The following BOLL variants were observed in gnomAD, a reference collection of about 807,000 sequenced individuals.
The protein encoded by BOLL is protein boule-like.
BOLL carries 23 observed loss-of-function variants against 44.4 expected under a neutral mutation model. The ratio of observed to expected loss-of-function variants is 0.52; its 90% CI spans 0.37 to 0.73. BOLL has a LOEUF of 0.73. Ranked by LOEUF, BOLL falls within the 30% of genes least tolerant of loss-of-function variation. The pLI is 0.00. For synonymous variants in BOLL, 97 were observed against 110.8 expected (o/e 0.88, Z 0.78); for missense variants, 287 against 338.3 (o/e 0.85, Z 1.19).
chr2:197,783,279 A>AC (rs997468906), intron 1 of BOLL, among the ~76,000 whole-genome samples: 18 of 152,234 alleles, frequency 1.2e-4, no homozygotes, highest in Admixed American at 5.9e-4. Context: ...ACAAAGAAAG[A>AC]CCCCATCTCA....
rs563916260 is a variant in BOLL, at chr2:197,728,620, GA to G, written c.829-43del. 316 of 1,339,332 alleles carry G rather than the reference GA, an allele frequency of 2.4e-4. 2 individuals carry two copies. Among genetic ancestry groups the G allele is most frequent in the South Asian group, 2.0e-3 (159 of 79,566 alleles). 83.0% of individuals were successfully genotyped at this position (1,339,332 alleles called of 1,614,324 possible). A position where few individuals can be genotyped will look rare whatever the true frequency, so the allele number is the denominator to read the frequency against. On this transcript the variant is annotated intron_variant, in intron 10 of 10. Transcript: ENST00000392296. ...AAATATAGATCAGGAAGACTGAATG[GA>G]AAAAAAAAGATAAGTTAGAACAGAT...
At chr2:197,733,596 A>G (rs1379844193) in intron 10 of BOLL, among the ~76,000 whole-genome samples, 1 of 152,196 alleles carries the variant, frequency 6.6e-6, no homozygotes, top group African/African-American at 2.4e-5. Context: ...ACAGCATGGT[A>G]CTGGTACCAA....
chr2:197,750,201 A>G (rs933455207), intron 9 of BOLL, among the ~76,000 whole-genome samples: 1 of 152,168 alleles, frequency 6.6e-6, no homozygotes, highest in African/African-American at 2.4e-5. Flanking sequence ...ACATACCAAA[A>G]TGTAAAGACC....
At chr2:197,735,192 A>G (rs1292087736) in intron 10 of BOLL, among the ~76,000 whole-genome samples, 1 of 152,024 alleles carries the variant, frequency 6.6e-6, no homozygotes, top group Non-Finnish European at 1.5e-5. Flanking sequence ...AATTTTTTCT[A>G]TTATTCCTGC....
intron 10 of BOLL, among the ~76,000 whole-genome samples, chr2:197,735,228 C>A (rs993944450): frequency 2.0e-5 from 3 of 151,992 alleles, no homozygotes; most frequent in Non-Finnish European, 4.4e-5. Context: ...CAATAATTGG[C>A]CTTAGTGTGA....
chr2:197,741,219 A>G (rs1278471151), intron 10 of BOLL, among the ~76,000 whole-genome samples: 2 of 152,094 alleles, frequency 1.3e-5, no homozygotes, highest in East Asian at 1.9e-4. Context: ...TTGGATTCCT[A>G]GGTATTTTAT....
chr2:197,741,819 A>G (rs1457058884), intron 10 of BOLL, among the ~76,000 whole-genome samples: 1 of 152,174 alleles, frequency 6.6e-6, no homozygotes, highest in Non-Finnish European at 1.5e-5. Context: ...AATGGGATCT[A>G]ATTAAACTAA....
rs370151980 is a variant in BOLL, at chr2:197,779,114, A to G, written c.130-48T>C. 1.2e-5 allele frequency: 16 copies of G among 1,371,128 alleles called. No homozygotes were observed. In the African/African-American group the frequency reaches 2.2e-4, roughly 19 times the overall value. The allele number at this position is 1,371,128 out of a possible 1,614,324, so 84.9% of individuals were successfully genotyped here. ...TTAAAAAGCATTTTTAGTTGATAAA[A>G]GATGAATAATTCTCATGCTTGCTCT... On this transcript the variant is annotated intron_variant, in intron 2 of 10. Transcript: ENST00000392296.
rs1686875678 is a variant in BOLL at position 197,726,971 on chromosome 2, AC to A, written c.*1583del. 6.6e-6 allele frequency: 1 copy of A among 152,612 alleles called. No homozygotes were observed. Among genetic ancestry groups the A allele is most frequent in the Non-Finnish European group, 1.5e-5 (1 of 68,034 alleles). 9.5% of individuals were successfully genotyped at this position (152,612 alleles called of 1,614,324 possible). A position where few individuals can be genotyped will look rare whatever the true frequency, so the allele number is the denominator to read the frequency against. On this transcript the variant is annotated 3_prime_UTR_variant, in exon 11 of 11. Transcript: ENST00000392296. ...TTAACATTTGAAAATCAAAACATAA[AC>A]TTTTTGGTTCTCAAGGATAGTGCTA...
chr2:197,731,832 T>A (rs1687198158), intron 10 of BOLL, among the ~76,000 whole-genome samples: 5 of 151,286 alleles, frequency 3.3e-5, no homozygotes, highest in Admixed American at 2.6e-4. Flanking sequence ...GAGAGAAATT[T>A]ATAGCACTAA....
chr2:197,728,528 G>A lies in BOLL; in HGVS notation c.*27C>T, dbSNP rs753837830. 4 of 1,614,064 alleles carry A rather than the reference G, an allele frequency of 2.5e-6. No individual in the cohort carries two copies. In the South Asian group the frequency reaches 4.4e-5, roughly 18 times the overall value. ...AGGATCATTGGACAAGAAATCAGTT[G>A]AGCTGGAATAGAGCTGCCCAATTGT... On this transcript the variant is annotated 3_prime_UTR_variant, in exon 11 of 11. Transcript: ENST00000392296.
At chr2:197,740,475 A>T (rs1477135811) in intron 10 of BOLL, among the ~76,000 whole-genome samples, 1 of 152,148 alleles carries the variant, frequency 6.6e-6, no homozygotes, top group African/African-American at 2.4e-5. Flanking sequence ...TTCCCTGTAC[A>T]TAGTAGATAG....
At chr2:197,731,511 A>T (rs1288266091) in intron 10 of BOLL, among the ~76,000 whole-genome samples, 27 of 126,172 alleles carry the variant, frequency 2.1e-4, no homozygotes, top group Non-Finnish European at 3.8e-4. Context: ...CAGAATATAC[A>T]TTTTTTTCAG....
At chr2:197,782,338 A>G (rs1689828349) in intron 1 of BOLL, among the ~76,000 whole-genome samples, 1 of 152,124 alleles carries the variant, frequency 6.6e-6, no homozygotes, top group Non-Finnish European at 1.5e-5. Context: ...TAAAAACAAG[A>G]CCACTCCATA....
chr2:197,728,525 G>T lies in BOLL; in HGVS notation c.*30C>A, dbSNP rs559692855. ...GCAAGGATCATTGGACAAGAAATCA[G>T]TTGAGCTGGAATAGAGCTGCCCAAT... On this transcript the variant is annotated 3_prime_UTR_variant, in exon 11 of 11. Coordinates refer to ENST00000392296, the MANE Select transcript of BOLL (RefSeq NM_033030.6). 184 of 1,614,074 alleles carry T rather than the reference G, an allele frequency of 1.1e-4. No homozygotes were observed. Among genetic ancestry groups the T allele is most frequent in the Non-Finnish European group, 1.5e-4 (179 of 1,179,980 alleles).
At position 197,757,392 on chromosome 2, in the gene BOLL, T is replaced by A; in HGVS notation, c.561A>T (p.Thr187=). 1 of 1,608,868 alleles carries A rather than the reference T, an allele frequency of 6.2e-7. No homozygotes were observed. The highest frequency in any genetic ancestry group is 8.5e-7 in the Non-Finnish European group (1 of 1,178,010). The change falls in exon 8 of 11, where the codon ACA becomes ACT. Residue 187 remains threonine, a synonymous_variant. Transcript: ENST00000392296. ...QQPAYHYQAT[T]QYLPGQWQWS... is the part of the protein sequence containing the mutation. ...ACTGCCACTGTCCTGGTAAATACTG[T>A]GTGGTGGCCTAAAATTAAATAAAAG...
At position 197,733,036 on chromosome 2, in the gene BOLL, C is replaced by T. The variant is rs1471561356; in HGVS notation, c.829-4458G>A. 5.8e-5 allele frequency among the ~76,000 whole-genome samples: 8 copies of T among 137,968 alleles called. No individual in the cohort carries two copies. The East Asian group carries it at 6.2e-4, about 11-fold the overall frequency. 90.5% of individuals were successfully genotyped at this position (137,968 alleles called of 152,430 possible). On this transcript the variant is annotated intron_variant, in intron 10 of 10. Coordinates refer to ENST00000392296, the MANE Select transcript of BOLL (RefSeq NM_033030.6). ...AAGTCAAATTGTCCCTGTTTGCAGACGACATGATTGTATATCTAGAAAACC... is the reference window on the plus strand; with the variant it reads ...AAGTCAAATTGTCCCTGTTTGCAGATGACATGATTGTATATCTAGAAAACC...
At chr2:197,761,267 T>G (rs1417085551) in intron 7 of BOLL, among the ~76,000 whole-genome samples, 1 of 152,176 alleles carries the variant, frequency 6.6e-6, no homozygotes, top group Non-Finnish European at 1.5e-5. Flanking sequence ...GCTATGATCA[T>G]GTCACTATAC....
chr2:197,758,515 G>GA (rs1688615060), intron 7 of BOLL, among the ~76,000 whole-genome samples: 1 of 152,102 alleles, frequency 6.6e-6, no homozygotes, highest in African/African-American at 2.4e-5. Flanking sequence ...GGGATAAGGG[G>GA]AAAAAGAAGA....
Sources: allele counts gnomAD v4.1 joint callset (sites outside exome capture counted in the v4.1 genomes callset), GRCh38; gene constraint gnomAD v4.1.1; transcripts MANE v1.5; gene names NCBI Gene and HGNC (gene_info 2026-07-23, HGNC 2026-07-21).